The following TANGO6 variants were observed in gnomAD, a reference collection of about 807,000 sequenced individuals.
TANGO6 encodes transport and Golgi organization protein 6 homolog.
TANGO6 carries 90 observed loss-of-function variants against 114.2 expected under a neutral mutation model. The ratio of observed to expected loss-of-function variants is 0.79; its 90% CI spans 0.66 to 0.94. TANGO6 has a LOEUF of 0.94. Among genes scored for constraint, TANGO6 ranks in the 40% least tolerant of loss-of-function variants. TANGO6 has a pLI of 0.00. For missense variants in TANGO6, 1,274 were observed against 1,315.3 expected, an observed-to-expected ratio of 0.97 and a Z score of 0.49; for synonymous variants, 477 against 509.8, an observed-to-expected ratio of 0.94 and a Z score of 0.87.
At chr16:69,075,762 CTTT>C (rs751940886) in intron 17 of TANGO6, among the ~76,000 whole-genome samples, 2 of 127,556 alleles carry the variant, frequency 1.6e-5, no homozygotes, top group Non-Finnish European at 1.7e-5. Context: ...CTGAATTCAA[CTTT>C]TTTTTTTTTT....
At chr16:68,924,310 C>G (rs1963137955) in intron 12 of TANGO6, among the ~76,000 whole-genome samples, 1 of 152,216 alleles carries the variant, frequency 6.6e-6, no homozygotes. Flanking sequence ...CGCCTATAAT[C>G]CCAGTGCTTT....
At chr16:68,930,691 G>A (rs373408938) in intron 14 of TANGO6, among the ~76,000 whole-genome samples, 6 of 147,534 alleles carry the variant, frequency 4.1e-5, no homozygotes, top group Admixed American at 6.8e-5. Context: ...GCTGGAGTGC[G>A]GTGGTGTGAT....
In TANGO6 at chr16:68,902,524, A is replaced by G. The variant is rs1281615282; in HGVS notation, c.1667+20A>G. Reference sequence around the variant, plus strand: ...CATTAGGTGAGTCCACCCATCCGTTACTGTTCTCTTCAGATTTAGTTCCGC... The same window carrying G: ...CATTAGGTGAGTCCACCCATCCGTTGCTGTTCTCTTCAGATTTAGTTCCGC... On this transcript the variant is annotated intron_variant, in intron 9 of 17. Transcript: ENST00000261778. 1 of 1,586,952 alleles carries G rather than the reference A, an allele frequency of 6.3e-7. No homozygotes were observed. Among genetic ancestry groups the G allele is most frequent in the South Asian group, 1.2e-5 (1 of 86,530 alleles).
chr16:69,075,586 TG>T (rs1960361944), intron 17 of TANGO6, among the ~76,000 whole-genome samples: 1 of 151,508 alleles, frequency 6.6e-6, no homozygotes, highest in African/African-American at 2.4e-5. Context: ...CCCGAGTAGC[TG>T]GGACTACAGG....
chr16:68,927,928 A>T lies in TANGO6; in HGVS notation c.2488A>T (p.Lys830Ter). ...TGAGCCCAGCACTACTACAAGTCAG[A>T]AATCTGGAAGCGTAACCACAGAACA... ...VNEPSTTTSQ[K>*]SGSVTTEQLQ... Residue 830 changes from lysine (K) to a stop codon, truncating the protein, a stop_gained, in exon 13 of 18, where the codon AAA becomes TAA. Coordinates refer to ENST00000261778, the MANE Select transcript of TANGO6 (RefSeq NM_024562.2). LOFTEE classifies it high-confidence loss of function. 1 of 1,613,950 alleles carries T rather than the reference A, an allele frequency of 6.2e-7. No homozygotes were observed. The highest frequency in any genetic ancestry group is 1.1e-5 in the South Asian group (1 of 91,054).
At chr16:68,879,323 A>G (rs7187006) in intron 6 of TANGO6, among the ~76,000 whole-genome samples, 1 of 150,716 alleles carries the variant, frequency 6.6e-6, no homozygotes, top group African/African-American at 2.4e-5. Context: ...CTTTAGAAAA[A>G]ATTTTAAAAA....
chr16:68,944,778 A>T (rs1421754723), intron 14 of TANGO6, among the ~76,000 whole-genome samples: 1 of 152,220 alleles, frequency 6.6e-6, no homozygotes, highest in Non-Finnish European at 1.5e-5. Flanking sequence ...AAATATAAGG[A>T]CAAATCTCTA....
intron 1 of TANGO6, among the ~76,000 whole-genome samples, chr16:68,856,662 T>C (rs1397655997): frequency 1.3e-5 from 2 of 152,216 alleles, no homozygotes; most frequent in African/African-American, 2.4e-5. Flanking sequence ...TTACAACTGA[T>C]AAACCAATGT....
chr16:69,010,216 T>G (rs954126992), intron 15 of TANGO6, among the ~76,000 whole-genome samples: 4 of 152,164 alleles, frequency 2.6e-5, no homozygotes, highest in African/African-American at 9.7e-5. Flanking sequence ...TATGGTGACT[T>G]TGCACCAGAG....
At chr16:69,076,916 G>A (rs1036303603) in intron 17 of TANGO6, among the ~76,000 whole-genome samples, 1 of 152,260 alleles carries the variant, frequency 6.6e-6, no homozygotes, top group Non-Finnish European at 1.5e-5. Context: ...AGAATCGCTT[G>A]AACACAGGAG....
chr16:68,885,188 A>G (rs1216546300), intron 7 of TANGO6, among the ~76,000 whole-genome samples: 1 of 152,206 alleles, frequency 6.6e-6, no homozygotes, highest in African/African-American at 2.4e-5. Context: ...TCACTAGGTA[A>G]CGTGGAGGAT....
At chr16:69,022,772 T>C in intron 15 of TANGO6, 56 bp from the exon 16 acceptor site, 15 of 1,516,374 alleles carry the variant, frequency 9.9e-6, no homozygotes, top group Non-Finnish European at 1.3e-5. Flanking sequence ...TTCTTCCTTT[T>C]TTAAGAAGTT....
intron 17 of TANGO6, among the ~76,000 whole-genome samples, chr16:69,071,937 A>G (rs1960300564): frequency 6.6e-6 from 1 of 152,068 alleles, no homozygotes; most frequent in Non-Finnish European, 1.5e-5. Flanking sequence ...GTCTAACCCT[A>G]AAGACTGCCC....
At chr16:68,997,423 G>A (rs1964001834) in intron 15 of TANGO6, among the ~76,000 whole-genome samples, 1 of 152,198 alleles carries the variant, frequency 6.6e-6, no homozygotes, top group Non-Finnish European at 1.5e-5. Context: ...CTGGAACTAA[G>A]GATTCCTCTC....
intron 14 of TANGO6, among the ~76,000 whole-genome samples, chr16:68,950,881 A>G (rs980131886): frequency 2.6e-5 from 4 of 152,106 alleles, no homozygotes; most frequent in Non-Finnish European, 4.4e-5. Flanking sequence ...AATTTAAAAA[A>G]TTTAAAAATA....
intron 17 of TANGO6, among the ~76,000 whole-genome samples, chr16:69,056,536 G>A (rs926491186): frequency 4.6e-5 from 7 of 151,208 alleles, no homozygotes; most frequent in South Asian, 2.1e-4. Flanking sequence ...TGGAGACTCA[G>A]TACATGTTAG....
intron 15 of TANGO6, among the ~76,000 whole-genome samples, chr16:68,988,017 G>C (rs569219142): frequency 2.2e-4 from 34 of 152,122 alleles, no homozygotes; most frequent in South Asian, 6.2e-4. Flanking sequence ...TCTTATTACT[G>C]AGTTGCGAGG....
At position 69,004,986 on chromosome 16, in the gene TANGO6, A is replaced by T. The variant is rs376181046; in HGVS notation, c.2843-17842A>T. Among the ~76,000 whole-genome samples, 6 of 152,330 alleles carry T rather than the reference A, an allele frequency of 3.9e-5. No individual in the cohort carries two copies. In the East Asian group the frequency reaches 1.2e-3, roughly 29 times the overall value. ...CCCTAGGGTGGGACTCTAACCCACA[A>T]TTCTAGAGGGAATGCCAATTCCGAA... On this transcript the variant is annotated intron_variant, in intron 15 of 17. Transcript: ENST00000261778.
At chr16:69,011,925 T>C (rs1480439092) in intron 15 of TANGO6, among the ~76,000 whole-genome samples, 3 of 152,236 alleles carry the variant, frequency 2.0e-5, no homozygotes, top group African/African-American at 7.2e-5. Context: ...ATGCCAGAAT[T>C]GATATAGGCA....
Sources: allele counts gnomAD v4.1 joint callset (sites outside exome capture counted in the v4.1 genomes callset), GRCh38; gene constraint gnomAD v4.1.1; transcripts MANE v1.5; gene names NCBI Gene and HGNC (gene_info 2026-07-23, HGNC 2026-07-21).